EPB41L1: variants seen among roughly 807,000 people sequenced by gnomAD.
EPB41L1 encodes the protein erythrocyte membrane protein band 4.1 like 1, also known as band 4.1-like protein 1.
In EPB41L1, 29 loss-of-function variants were observed where a neutral mutation model predicts 97.8. The observed-to-expected ratio is 0.30, with a 90% CI of 0.22 to 0.40. The LOEUF (loss-of-function observed/expected upper bound fraction) is 0.40, where lower values mean the gene tolerates loss of function less well. EPB41L1 is among the 10% of genes least tolerant of loss of function. EPB41L1 has a pLI of 1.00. For missense variants in EPB41L1, 812 were observed against 1,162.3 expected, an observed-to-expected ratio of 0.70 and a Z score of 4.38; for synonymous variants, 383 against 459.2, an observed-to-expected ratio of 0.83 and a Z score of 2.12.
chr20:36,149,812 C>T (rs2059976913), upstream of EPB41L1: 1 of 152,532 alleles, frequency 6.6e-6, no homozygotes, highest in East Asian at 1.9e-4. Context: ...CCCTCCTCCC[C>T]ATGACCTCAC....
chr20:36,221,051 A>G (rs1310037200), intron 19 of EPB41L1, among the ~76,000 whole-genome samples: 1 of 152,224 alleles, frequency 6.6e-6, no homozygotes. Context: ...TGAAAGCTTT[A>G]TGGGAGGTTT....
At chr20:36,188,552 T>G in intron 9 of EPB41L1, 53 bp downstream of exon 9, 1 of 1,495,778 alleles carries the variant, frequency 6.7e-7, no homozygotes. Context: ...TAGAATGGAG[T>G]GGACCCTGGC....
intron 12 of EPB41L1, among the ~76,000 whole-genome samples, chr20:36,194,789 GCA>G (rs1317302261): frequency 6.6e-6 from 1 of 152,072 alleles, no homozygotes; most frequent in African/African-American, 2.4e-5. Context: ...CCACTCAGGT[GCA>G]CACACACAGT....
intron 1 of EPB41L1, among the ~76,000 whole-genome samples, chr20:36,099,046 G>A (rs977646747): frequency 2.0e-5 from 3 of 152,198 alleles, no homozygotes; most frequent in African/African-American, 7.2e-5. Context: ...GCGGGCACCT[G>A]TAATCCCAGC....
intron 2 of EPB41L1, among the ~76,000 whole-genome samples, chr20:36,134,941 G>T (rs1829576191): frequency 7.2e-6 from 1 of 139,710 alleles, no homozygotes; most frequent in African/African-American, 2.7e-5. Context: ...CCCACTGCAT[G>T]CAACCTCCAC....
chr20:36,160,354 C>T (rs1023027470), intron 1 of EPB41L1, among the ~76,000 whole-genome samples: 7 of 152,262 alleles, frequency 4.6e-5, no homozygotes, highest in African/African-American at 9.6e-5. Flanking sequence ...GAGGCTGAGG[C>T]GGGTAGATCA....
chr20:36,190,484 C>G lies in EPB41L1; in HGVS notation c.1124+110C>G. 6.6e-7 allele frequency: 1 copy of G among 1,520,414 alleles called. No homozygotes were observed. Among genetic ancestry groups the G allele is most frequent in the East Asian group, 2.3e-5 (1 of 43,412 alleles). 94.2% of individuals were successfully genotyped at this position (1,520,414 alleles called of 1,614,324 possible). Reference sequence around the variant, plus strand: ...TCTAGGAAAGTCCTCCACCCTTTCCCCAAGTCCCTCCCTTCCTGGACCACT... The same window carrying G: ...TCTAGGAAAGTCCTCCACCCTTTCCGCAAGTCCCTCCCTTCCTGGACCACT... On this transcript the variant is annotated intron_variant, in intron 10 of 21. Coordinates refer to ENST00000338074, the MANE Select transcript of EPB41L1 (RefSeq NM_012156.2). The surrounding 1 kb of genome is among the most constrained non-coding windows in gnomAD (Gnocchi z 5.8).
chr20:36,128,805 C>T (rs545150697), intron 2 of EPB41L1, among the ~76,000 whole-genome samples: 30 of 128,840 alleles, frequency 2.3e-4, no homozygotes, highest in Non-Finnish European at 4.2e-4. Context: ...GACCTAGCCT[C>T]TCTCCACCTC....
At position 36,132,567 on chromosome 20, in the gene EPB41L1, C is replaced by CGG. The variant is rs71184088; in HGVS notation, c.-10+20098_-10+20099dup. Among the ~76,000 whole-genome samples the CGG allele has an allele frequency of 9.5e-3, 391 of 41,186 alleles. 2 individuals are homozygous for CGG. The highest frequency in any genetic ancestry group is 0.044 in the South Asian group (33 of 756). 27.0% of individuals were successfully genotyped at this position (41,186 alleles called of 152,430 possible). ...ATGAAGACATGGACATCTTTGTGGG[C>CGG]GGGGGGGGGGGGCGCATTATTATGC... On this transcript the variant is annotated intron_variant, in intron 2 of 19. Coordinates refer to the EPB41L1 transcript ENST00000202028.
chr20:36,219,937 T>C (rs1332369261), intron 19 of EPB41L1, 93 bp downstream of exon 19: 55 of 1,118,862 alleles, frequency 4.9e-5, no homozygotes, highest in Non-Finnish European at 7.0e-5. Flanking sequence ...ATCTGTAAAG[T>C]GGACAGAGAA....
chr20:36,198,059 C>T lies in EPB41L1; in HGVS notation c.1668+18C>T. On this transcript the variant is annotated intron_variant, in intron 14 of 21. Transcript: ENST00000338074. The stretch of plus-strand genomic sequence containing the variant: ...CCAATGAGGTAGGTGTCGCCCTGAA[C>T]CCCTCGATAGGGGCCTTGGGTAAAG... 1 of 1,607,710 alleles carries T rather than the reference C, an allele frequency of 6.2e-7. No individual in the cohort carries two copies. Among genetic ancestry groups the T allele is most frequent in the Non-Finnish European group, 8.5e-7 (1 of 1,176,526 alleles).
chr20:36,147,312 C>T (rs994912409), intron 2 of EPB41L1, among the ~76,000 whole-genome samples: 3 of 152,122 alleles, frequency 2.0e-5, no homozygotes, highest in African/African-American at 7.2e-5. Flanking sequence ...GATGTTATAA[C>T]ATAAACACAG....
At chr20:36,174,759 G>A (rs1302492753) in intron 2 of EPB41L1, among the ~76,000 whole-genome samples, 1 of 152,120 alleles carries the variant, frequency 6.6e-6, no homozygotes. Context: ...ACTAAAGAGG[G>A]TAGCTACTAA....
chr20:36,190,397 T>C lies in EPB41L1; in HGVS notation c.1124+23T>C. On this transcript the variant is annotated intron_variant, in intron 10 of 21. Transcript: ENST00000338074. This position sits in a 1 kb window ranked among gnomAD's most constrained non-coding sequence, Gnocchi z 5.8. The stretch of plus-strand genomic sequence containing the variant: ...CCGGTGAGCCTGACCTTGGATGGGG[T>C]AATGGGGATGGGGCAGAGGCCATGT... 6.2e-7 allele frequency: 1 copy of C among 1,610,882 alleles called. No homozygotes were observed.
chr20:36,145,374 C>T (rs914253245), intron 2 of EPB41L1, among the ~76,000 whole-genome samples: 7 of 136,328 alleles, frequency 5.1e-5, no homozygotes, highest in African/African-American at 2.0e-4. Context: ...CCAGCCTGGG[C>T]GACAGAGGGA....
rs546592625 is a variant in EPB41L1 at position 36,207,967 on chromosome 20, G to C, written c.1669-1521G>C. Among the ~76,000 whole-genome samples the C allele has an allele frequency of 6.6e-6, 1 of 152,324 alleles. No homozygotes were observed. The highest frequency in any genetic ancestry group is 1.9e-4 in the East Asian group (1 of 5,182). The stretch of plus-strand genomic sequence containing the variant: ...GGGTGTAGCTCAGGCTGAATGATGG[G>C]CTTCTCTGCTTGGCCCATGTTAGCT... On this transcript the variant is annotated intron_variant, in intron 14 of 21. Coordinates refer to ENST00000338074, the MANE Select transcript of EPB41L1 (RefSeq NM_012156.2). The surrounding 1 kb of genome is among the most constrained non-coding windows in gnomAD (Gnocchi z 4.9).
chr20:36,097,174 G>A (rs1369389745), intron 1 of EPB41L1, among the ~76,000 whole-genome samples: 6 of 152,204 alleles, frequency 3.9e-5, no homozygotes, highest in Admixed American at 1.3e-4. Context: ...GCCTTGTTAT[G>A]TGACTGAGGG....
At position 36,176,692 on chromosome 20, in the gene EPB41L1, T is replaced by C. The variant is rs536901781; in HGVS notation, c.342+977T>C. ...TGTTGCCCAGGCTGGTGTGCAGTGG[T>C]GCGATCTCAGCTCCCTGCAACCTCA... On this transcript the variant is annotated intron_variant, in intron 3 of 21. Coordinates refer to ENST00000338074, the MANE Select transcript of EPB41L1 (RefSeq NM_012156.2). Among the ~76,000 whole-genome samples, 7 of 150,038 alleles carry C rather than the reference T, an allele frequency of 4.7e-5. No homozygotes were observed. The East Asian group carries it at 1.4e-3, about 29-fold the overall frequency.
chr20:36,108,542 T>G (rs2147562397), intron 1 of EPB41L1, among the ~76,000 whole-genome samples: 1 of 151,322 alleles, frequency 6.6e-6, no homozygotes, highest in East Asian at 2.0e-4. Context: ...AGCATGGAGG[T>G]GCGCACCTGT....
Sources: allele counts gnomAD v4.1 joint callset (sites outside exome capture counted in the v4.1 genomes callset), GRCh38; gene constraint gnomAD v4.1.1; non-coding constraint Gnocchi (gnomAD v3.1); transcripts MANE v1.5; gene names NCBI Gene and HGNC (gene_info 2026-07-23, HGNC 2026-07-21).